Variants in RNF2 observed in about 807,000 individuals in gnomAD.
RNF2 encodes E3 ubiquitin-protein ligase RING2.
Under a neutral mutation model 37.2 loss-of-function variants are expected in RNF2, and 6 were observed. The observed-to-expected ratio is 0.16, with a 90% CI of 0.09 to 0.32. The LOEUF is 0.32. RNF2 is among the 10% of genes least tolerant of loss of function. The pLI is 1.00. For missense variants in RNF2, 251 were observed against 404.0 expected, an observed-to-expected ratio of 0.62 and a Z score of 3.25; for synonymous variants, 133 against 132.7, an observed-to-expected ratio of 1.00 and a Z score of -0.02.
At chr1:185,096,511 T>C (rs1026110159) in intron 4 of RNF2, among the ~76,000 whole-genome samples, 1 of 152,120 alleles carries the variant, frequency 6.6e-6, no homozygotes, top group African/African-American at 2.4e-5. Context: ...GAATTTGACT[T>C]CTTTAGATAC....
chr1:185,071,315 G>A (rs1037956037), intron 1 of RNF2, among the ~76,000 whole-genome samples: 20 of 152,060 alleles, frequency 1.3e-4, no homozygotes, highest in African/African-American at 4.6e-4. Context: ...CTCAGTTTCC[G>A]GGCTAGTTTA....
chr1:185,084,942 A>G (rs536109203), intron 1 of RNF2, among the ~76,000 whole-genome samples: 1 of 152,066 alleles, frequency 6.6e-6, no homozygotes, highest in Non-Finnish European at 1.5e-5. Flanking sequence ...AATGAGGGAC[A>G]TGTTGTGTCT....
intron 1 of RNF2, among the ~76,000 whole-genome samples, chr1:185,062,713 T>C (rs1320762063): frequency 6.6e-6 from 1 of 151,384 alleles, no homozygotes; most frequent in Non-Finnish European, 1.5e-5. Flanking sequence ...TTAACACTCA[T>C]GACAGACAAA....
At chr1:185,049,687 G>A (rs1650220339) in intron 1 of RNF2, among the ~76,000 whole-genome samples, 1 of 151,672 alleles carries the variant, frequency 6.6e-6, no homozygotes, top group Non-Finnish European at 1.5e-5. Flanking sequence ...AAAAAAGCGG[G>A]GGAGGGGGGA....
chr1:185,052,378 T>C (rs1650297069), intron 1 of RNF2, among the ~76,000 whole-genome samples: 1 of 152,234 alleles, frequency 6.6e-6, no homozygotes, highest in South Asian at 2.1e-4. Context: ...AGTGGAATAT[T>C]ATTCAGCCAT....
intron 5 of RNF2, among the ~76,000 whole-genome samples, chr1:185,098,665 C>T (rs560498839): frequency 1.3e-5 from 2 of 152,308 alleles, no homozygotes; most frequent in East Asian, 1.9e-4. Context: ...GTATCTCCAG[C>T]ACACTGCTTG....
At chr1:185,093,606 T>C (rs981875203) in intron 4 of RNF2, among the ~76,000 whole-genome samples, 4 of 152,198 alleles carry the variant, frequency 2.6e-5, no homozygotes, top group African/African-American at 9.7e-5. Context: ...ATCATATTGC[T>C]CTTATCAATG....
rs535367367 is a variant in RNF2 at position 185,098,985 on chromosome 1, C to T, written c.737+641C>T. ...CAGGATGGTCTCGATCTCTTGACCTCGTGATCCGCCTGCCTTGGCCTCCCA... is the reference window on the plus strand; with the variant it reads ...CAGGATGGTCTCGATCTCTTGACCTTGTGATCCGCCTGCCTTGGCCTCCCA... On this transcript the variant is annotated intron_variant, in intron 5 of 6. Coordinates refer to ENST00000367510, the MANE Select transcript of RNF2 (RefSeq NM_007212.4). 3.3e-5 allele frequency among the ~76,000 whole-genome samples: 5 copies of T among 150,458 alleles called. No individual in the cohort carries two copies. The East Asian group carries it at 7.9e-4, about 24-fold the overall frequency.
chr1:185,055,515 G>A (rs1650407075), intron 1 of RNF2, among the ~76,000 whole-genome samples: 1 of 152,102 alleles, frequency 6.6e-6, no homozygotes, highest in African/African-American at 2.4e-5. Context: ...CCGCCTCCCA[G>A]GTTCAAGCTA....
chr1:185,094,258 T>C (rs1651851011), intron 4 of RNF2, among the ~76,000 whole-genome samples: 1 of 152,066 alleles, frequency 6.6e-6, no homozygotes, highest in South Asian at 2.1e-4. Flanking sequence ...TTCTCCTGCT[T>C]TAGCGTCTTG....
intron 1 of RNF2, among the ~76,000 whole-genome samples, chr1:185,053,565 C>T (rs1364011203): frequency 6.6e-6 from 1 of 151,942 alleles, no homozygotes; most frequent in African/African-American, 2.4e-5. Context: ...ATTGCCCAGG[C>T]TGGTCTTGGA....
At chr1:185,088,597 T>C (rs1043691407) in intron 2 of RNF2, among the ~76,000 whole-genome samples, 3 of 151,492 alleles carry the variant, frequency 2.0e-5, no homozygotes, top group African/African-American at 7.3e-5. Flanking sequence ...AAGGAGGATG[T>C]AGTTAAAGTG....
At chr1:185,048,787 A>C (rs1240783855) in intron 1 of RNF2, among the ~76,000 whole-genome samples, 3 of 152,178 alleles carry the variant, frequency 2.0e-5, no homozygotes, top group African/African-American at 7.2e-5. Flanking sequence ...ATCATGCTTG[A>C]AAATCCCTCA....
chr1:185,082,364 T>TTTTTTTTTTTTTTTTTTTTTTTTTTTTTA (rs1173750596), intron 1 of RNF2, among the ~76,000 whole-genome samples: 1 of 114,890 alleles, frequency 8.7e-6, no homozygotes, highest in Non-Finnish European at 1.9e-5. Flanking sequence ...TTTTTTTTTT[T>TTTTTTTTTTTTTTTTTTTTTTTTTTTTTA]TTTGAAGACA....
At chr1:185,052,474 A>G (rs547375923) in intron 1 of RNF2, among the ~76,000 whole-genome samples, 32 of 152,380 alleles carry the variant, frequency 2.1e-4, no homozygotes, top group Non-Finnish European at 3.8e-4. Context: ...ACAAAAGGCC[A>G]CATATTACAT....
Position 185,076,329 on chromosome 1 carries a change from C to T in RNF2, c.-2-11223C>T, listed in dbSNP as rs186177382. Among the ~76,000 whole-genome samples, 159 of 84,494 alleles carry T rather than the reference C, an allele frequency of 1.9e-3. No homozygotes were observed. The Middle Eastern group carries it at 0.045, about 24-fold the overall frequency. The allele number at this position is 84,494 out of a possible 152,430, so 55.4% of individuals were successfully genotyped here. A position where few individuals can be genotyped will look rare whatever the true frequency, so the allele number is the denominator to read the frequency against. On this transcript the variant is annotated intron_variant, in intron 1 of 6. Coordinates refer to ENST00000367510, the MANE Select transcript of RNF2 (RefSeq NM_007212.4). Reference sequence around the variant, plus strand: ...TTTTTGAGACAGAGTCTCATTCTGTCGCCCAGGCTGGAGTGCAGTGGCGCG... The same window carrying T: ...TTTTTGAGACAGAGTCTCATTCTGTTGCCCAGGCTGGAGTGCAGTGGCGCG...
At chr1:185,072,626 G>A (rs1333293002) in intron 1 of RNF2, among the ~76,000 whole-genome samples, 3 of 152,054 alleles carry the variant, frequency 2.0e-5, no homozygotes, top group African/African-American at 4.8e-5. Context: ...ATCTTTGCAA[G>A]ACTGATGAAG....
chr1:185,083,495 T>C (rs1651489384), intron 1 of RNF2, among the ~76,000 whole-genome samples: 1 of 152,120 alleles, frequency 6.6e-6, no homozygotes, highest in Non-Finnish European at 1.5e-5. Context: ...TCCCCTCCAC[T>C]CTTCGCTTTC....
Position 185,101,832 on chromosome 1 carries a change from G to GTTTTTTTTTTTTTTTTT in RNF2, c.*1537_*1553dup, listed in dbSNP as rs768356678. On this transcript the variant is annotated 3_prime_UTR_variant, in exon 7 of 7. Transcript: ENST00000367510. ...AATATTTAAAATCTGTTTTTACAGG[G>GTTTTTTTTTTTTTTTTT]TTTTTTTTTTTTTTTTTTTTTTGTA... 1.5e-4 allele frequency: 15 copies of GTTTTTTTTTTTTTTTTT among 97,876 alleles called. No homozygotes were observed. The highest frequency in any genetic ancestry group is 3.6e-4 in the South Asian group (1 of 2,744). The allele number at this position is 97,876 out of a possible 1,614,324, so 6.1% of individuals were successfully genotyped here. A position where few individuals can be genotyped will look rare whatever the true frequency, so the allele number is the denominator to read the frequency against.
Sources: allele counts gnomAD v4.1 joint callset (sites outside exome capture counted in the v4.1 genomes callset), GRCh38; gene constraint gnomAD v4.1.1; transcripts MANE v1.5; gene names NCBI Gene and HGNC (gene_info 2026-07-23, HGNC 2026-07-21).